Variants in ERMP1 observed in about 807,000 individuals in gnomAD.
ERMP1 encodes endoplasmic reticulum metallopeptidase 1, also known as Felix-ina.
A neutral mutation model predicts 92.0 loss-of-function variants in ERMP1; 86 were observed. The observed-to-expected ratio is 0.93, with a 90% CI of 0.79 to 1.12. ERMP1 has a LOEUF of 1.12. ERMP1 is among the 50% of genes most tolerant of loss of function. The probability of loss-of-function intolerance (pLI) is 0.00; values close to 1 mark genes in which losing one functional copy is unlikely to be tolerated. For missense variants in ERMP1, 1,342 were observed against 1,116.3 expected, an observed-to-expected ratio of 1.20 and a Z score of -2.88; for synonymous variants, 530 against 412.8, an observed-to-expected ratio of 1.28 and a Z score of -3.44.
intron 6 of ERMP1, among the ~76,000 whole-genome samples, chr9:5,849,445 CA>C (rs1159824195): frequency 6.6e-6 from 1 of 152,210 alleles, no homozygotes; most frequent in East Asian, 1.9e-4. Flanking sequence ...CCAAAGCAGA[CA>C]GGGGGTCCTG....
At chr9:5,813,158 C>A (rs548002636) in intron 4 of ERMP1, 123 bp from the exon 5 acceptor site, 1 of 847,072 alleles carries the variant, frequency 1.2e-6, no homozygotes, top group Middle Eastern at 2.6e-4. Context: ...CAATATGTAC[C>A]TTTTCATCCC....
intron 11 of ERMP1, among the ~76,000 whole-genome samples, 193 bp downstream of exon 11, chr9:5,800,983 A>G (rs897642763): frequency 6.6e-6 from 1 of 152,218 alleles, no homozygotes; most frequent in African/African-American, 2.4e-5. Flanking sequence ...GTCTCCTGGG[A>G]GATATATGTC....
At chr9:5,861,717 GTT>G (rs34804675) in intron 5 of ERMP1, among the ~76,000 whole-genome samples, 34 of 66,236 alleles carry the variant, frequency 5.1e-4, no homozygotes, top group Middle Eastern at 9.6e-3. Flanking sequence ...GAGAGGAAGG[GTT>G]TTTTTTTTTT....
chr9:5,808,170 A>T (rs1828941384), intron 8 of ERMP1, among the ~76,000 whole-genome samples: 1 of 152,170 alleles, frequency 6.6e-6, no homozygotes, highest in Admixed American at 6.5e-5. Flanking sequence ...GCACTTAAAG[A>T]ATATTTGTGA....
rs529919417 is a variant in ERMP1 at position 5,823,790 on chromosome 9, C to A, written c.874+106G>T. 5.2e-5 allele frequency: 41 copies of A among 780,996 alleles called. No individual in the cohort carries two copies. The East Asian group carries it at 1.1e-3, about 21-fold the overall frequency. The allele number at this position is 780,996 out of a possible 1,614,324, so 48.4% of individuals were successfully genotyped here. On this transcript the variant is annotated intron_variant, in intron 4 of 14. Coordinates refer to ENST00000339450, the MANE Select transcript of ERMP1 (RefSeq NM_024896.3). ...ACCACCTCATGCTTTAAAAAGAATG[C>A]TCATTCAAGAGACTGTTTATTGAAG...
At chr9:5,860,914 C>T (rs992603268) in intron 5 of ERMP1, among the ~76,000 whole-genome samples, 8 of 152,034 alleles carry the variant, frequency 5.3e-5, no homozygotes, top group African/African-American at 1.7e-4. Flanking sequence ...CCACCTCCAC[C>T]CTCTCTCACT....
chr9:5,805,566 T>C, intron 9 of ERMP1, 45 bp downstream of exon 9: 1 of 1,459,114 alleles, frequency 6.9e-7, no homozygotes, highest in Non-Finnish European at 9.1e-7. Flanking sequence ...GCCTTAAGTA[T>C]TTTAAGGTAT....
intron 13 of ERMP1, among the ~76,000 whole-genome samples, chr9:5,792,076 C>T (rs1376395497): frequency 1.3e-5 from 2 of 152,128 alleles, no homozygotes; most frequent in East Asian, 1.9e-4. Flanking sequence ...AAGAGTATCA[C>T]TCATACCAGA....
intron 5 of ERMP1, among the ~76,000 whole-genome samples, chr9:5,861,072 C>CACAAAATG (rs979317611): frequency 1.5e-4 from 23 of 152,026 alleles, no homozygotes; most frequent in Non-Finnish European, 2.9e-4. Context: ...GTTATAGCCA[C>CACAAAATG]ACAAAATGGA....
chr9:5,862,929 AG>A (rs1830546784), intron 5 of ERMP1, among the ~76,000 whole-genome samples: 1 of 152,266 alleles, frequency 6.6e-6, no homozygotes, highest in Non-Finnish European at 1.5e-5. Context: ...TAAATGAGGC[AG>A]TGTTAATGGA....
chr9:5,788,853 C>G (rs1828049164), intron 13 of ERMP1, among the ~76,000 whole-genome samples: 1 of 151,932 alleles, frequency 6.6e-6, no homozygotes, highest in Non-Finnish European at 1.5e-5. Flanking sequence ...CGACTAGACT[C>G]AGAAAAGAAA....
intron 5 of ERMP1, among the ~76,000 whole-genome samples, chr9:5,867,062 G>A (rs1034644140): frequency 7.9e-5 from 12 of 152,230 alleles, no homozygotes; most frequent in Admixed American, 3.9e-4. Context: ...TGAGCATGCT[G>A]GCGCACACCT....
intron 6 of ERMP1, among the ~76,000 whole-genome samples, chr9:5,852,148 A>G (rs1348083564): frequency 6.6e-6 from 1 of 152,246 alleles, no homozygotes. Flanking sequence ...TGCAAAGAAC[A>G]TTATAAAGAA....
At chr9:5,854,597 T>A (rs984073176) in intron 6 of ERMP1, among the ~76,000 whole-genome samples, 2 of 152,188 alleles carry the variant, frequency 1.3e-5, no homozygotes, top group African/African-American at 4.8e-5. Context: ...AGTGGTGTGA[T>A]CTCCACTCAC....
intron 4 of ERMP1, among the ~76,000 whole-genome samples, chr9:5,822,887 G>C (rs115079573): frequency 5.3e-4 from 80 of 152,346 alleles, no homozygotes; most frequent in African/African-American, 1.8e-3. Context: ...GGCTTGAGCA[G>C]TAGGATATAA....
chr9:5,834,977 A>ATGTGTGTGTG (rs71326191), upstream of ERMP1, among the ~76,000 whole-genome samples: 38 of 125,198 alleles, frequency 3.0e-4, 1 homozygote, highest in Admixed American at 4.9e-4. Context: ...GGATAGATAG[A>ATGTGTGTGTG]TGTGTGTGTG....
upstream of ERMP1, chr9:5,833,208 T>A (rs1313800602): frequency 1.8e-6 from 1 of 557,692 alleles, no homozygotes; most frequent in East Asian, 3.5e-5. Flanking sequence ...AGTTCTCGGG[T>A]GCACACAGCT....
intron 4 of ERMP1, among the ~76,000 whole-genome samples, chr9:5,815,883 T>C (rs1829285237): frequency 6.6e-6 from 1 of 152,032 alleles, no homozygotes; most frequent in South Asian, 2.1e-4. Flanking sequence ...ACTATGATGA[T>C]GGGGAAATAC....
intron 7 of ERMP1, 65 bp downstream of exon 7, chr9:5,811,046 C>T (rs906922357): frequency 8.9e-7 from 1 of 1,127,936 alleles, no homozygotes; most frequent in South Asian, 1.4e-5. Flanking sequence ...AACAAACTGA[C>T]TGAAAAACTT....
Sources: allele counts gnomAD v4.1 joint callset (sites outside exome capture counted in the v4.1 genomes callset), GRCh38; gene constraint gnomAD v4.1.1; transcripts MANE v1.5; gene names NCBI Gene and HGNC (gene_info 2026-07-23, HGNC 2026-07-21).